Variants in PPIL6 observed in about 807,000 individuals in gnomAD.
PPIL6 encodes peptidylprolyl isomerase like 6.
In PPIL6, 39 loss-of-function variants were observed where a neutral mutation model predicts 36.8. That is an observed-to-expected ratio of 1.06 (90% confidence interval 0.82 to 1.38). PPIL6 has a LOEUF of 1.38. PPIL6 is among the 40% of genes most tolerant of loss of function. The probability of loss-of-function intolerance (pLI) is 0.00; values close to 1 mark genes in which losing one functional copy is unlikely to be tolerated. For synonymous variants in PPIL6, 123 were observed against 134.1 expected, an observed-to-expected ratio of 0.92 and a Z score of 0.57; for missense variants, 368 against 379.1, an observed-to-expected ratio of 0.97 and a Z score of 0.24.
At chr6:109,437,177 T>C (rs1055669793) in intron 1 of PPIL6, among the ~76,000 whole-genome samples, 18 of 152,322 alleles carry the variant, frequency 1.2e-4, no homozygotes, top group African/African-American at 4.3e-4. Context: ...ATACTTTGTC[T>C]CCCTCTAAAG....
chr6:109,401,485 A>C (rs1477623467), intron 6 of PPIL6, among the ~76,000 whole-genome samples: 1 of 152,148 alleles, frequency 6.6e-6, no homozygotes, highest in African/African-American at 2.4e-5. Flanking sequence ...TAAGTTTCAA[A>C]ACTAAGCAAA....
chr6:109,424,364 A>G lies in PPIL6; in HGVS notation c.631+2483T>C, dbSNP rs537626433. Reference sequence around the variant, plus strand: ...GGCTGTGTGTGCAACCGAGTGTGTAAGAGGTCAGAAGATAAGATGTGAGGA... The same window carrying G: ...GGCTGTGTGTGCAACCGAGTGTGTAGGAGGTCAGAAGATAAGATGTGAGGA... On this transcript the variant is annotated intron_variant, in intron 5 of 7. Coordinates refer to ENST00000521072, the MANE Select transcript of PPIL6 (RefSeq NM_173672.5). 2.5e-4 allele frequency among the ~76,000 whole-genome samples: 38 copies of G among 152,270 alleles called. 1 individual carries two copies. Among genetic ancestry groups the G allele is most frequent in the African/African-American group, 9.1e-4 (38 of 41,550 alleles).
chr6:109,409,886 G>A (rs1343622966), intron 6 of PPIL6, among the ~76,000 whole-genome samples: 1 of 152,186 alleles, frequency 6.6e-6, no homozygotes, highest in African/African-American at 2.4e-5. Context: ...AAAATGGAAA[G>A]CTATTTCATG....
At chr6:109,400,216 C>A in intron 6 of PPIL6, 46 bp from the exon 7 acceptor site, 1 of 1,524,440 alleles carries the variant, frequency 6.6e-7, no homozygotes, top group Non-Finnish European at 9.0e-7. Context: ...TTTCTATTAT[C>A]TCAATTTATT....
At chr6:109,438,441 A>C (rs549371761) in intron 1 of PPIL6, among the ~76,000 whole-genome samples, 1 of 152,222 alleles carries the variant, frequency 6.6e-6, no homozygotes, top group African/African-American at 2.4e-5. Flanking sequence ...AAACTAGCTG[A>C]ATTTTCATAT....
intron 7 of PPIL6, among the ~76,000 whole-genome samples, chr6:109,395,689 C>T (rs1200351431): frequency 6.6e-6 from 1 of 150,988 alleles, no homozygotes; most frequent in Non-Finnish European, 1.5e-5. Flanking sequence ...ACTGCAACCT[C>T]TGCCTCCCAG....
intron 7 of PPIL6, among the ~76,000 whole-genome samples, chr6:109,395,939 C>T (rs1354741450): frequency 6.6e-6 from 1 of 151,210 alleles, no homozygotes; most frequent in Non-Finnish European, 1.5e-5. Flanking sequence ...GGGTTGACAC[C>T]ATTCTGCCTC....
chr6:109,411,035 G>C (rs1469088869), intron 6 of PPIL6, among the ~76,000 whole-genome samples: 1 of 152,150 alleles, frequency 6.6e-6, no homozygotes, highest in Non-Finnish European at 1.5e-5. Context: ...GTTACAACCT[G>C]AACTGCTCCC....
At chr6:109,407,099 A>C (rs1050987931) in intron 6 of PPIL6, among the ~76,000 whole-genome samples, 1 of 152,240 alleles carries the variant, frequency 6.6e-6, no homozygotes, top group African/African-American at 2.4e-5. Context: ...TGACATTTCA[A>C]AACAACAATC....
chr6:109,434,971 T>C (rs781559925), intron 2 of PPIL6, among the ~76,000 whole-genome samples: 20 of 152,032 alleles, frequency 1.3e-4, no homozygotes, highest in Non-Finnish European at 2.9e-4. Flanking sequence ...TCTCTGAGGG[T>C]ATAGATAGAG....
At chr6:109,403,207 C>T in intron 6 of PPIL6, 2 of 743,582 alleles carry the variant, frequency 2.7e-6, no homozygotes, top group South Asian at 5.0e-5. Flanking sequence ...CTCCTGGGCT[C>T]AAGGCCTCCT....
chr6:109,421,289 T>C (rs1376178170), intron 5 of PPIL6, among the ~76,000 whole-genome samples: 2 of 152,264 alleles, frequency 1.3e-5, no homozygotes, highest in Non-Finnish European at 2.9e-5. Flanking sequence ...TATCTGATAT[T>C]ATTGCTATAC....
chr6:109,424,152 A>T (rs2115258308), intron 5 of PPIL6, among the ~76,000 whole-genome samples: 1 of 152,186 alleles, frequency 6.6e-6, no homozygotes, highest in South Asian at 2.1e-4. Context: ...GCAGTTTCAT[A>T]TAGGGTGGTC....
intron 1 of PPIL6, 129 bp downstream of exon 1, chr6:109,440,327 G>T: frequency 2.5e-6 from 3 of 1,193,796 alleles, no homozygotes; most frequent in Non-Finnish European, 3.6e-6. Context: ...GCCAGGACAC[G>T]CCAGCCCCTT....
In PPIL6 at chr6:109,427,080, A is replaced by T. The variant is rs1465233105; in HGVS notation, c.483+14T>A. 5.0e-6 allele frequency: 8 copies of T among 1,605,674 alleles called. No homozygotes were observed. The highest frequency in any genetic ancestry group is 1.3e-5 in the African/African-American group (1 of 74,790). Reference sequence around the variant, plus strand: ...TCCTACCCCCACAAACTTACATATAAAAAAAAGTATCACCTCAAAAATCAA... The same window carrying T: ...TCCTACCCCCACAAACTTACATATATAAAAAAGTATCACCTCAAAAATCAA... On this transcript the variant is annotated intron_variant, in intron 4 of 7. Transcript: ENST00000521072.
In PPIL6 at chr6:109,400,110, C is replaced by T. The variant is rs753976388; in HGVS notation, c.749G>A (p.Arg250His). The change falls in exon 7 of 8, where the codon CGT (arginine) becomes CAT (histidine). Residue 250 changes from arginine (R) to histidine (H), a missense_variant. Physicochemically the swap from Arg to His is conservative, Grantham distance 29. Transcript: ENST00000521072. ...ATAGAATTGTGACCCGTTGCTGTGACGGCCTTTGTTGGCCATTCCAAGTAC... is the reference window on the plus strand; with the variant it reads ...ATAGAATTGTGACCCGTTGCTGTGATGGCCTTTGTTGGCCATTCCAAGTAC... ...RGVLGMANKG[R>H]HSNGSQFYIT... 3.5e-5 allele frequency: 57 copies of T among 1,613,496 alleles called. No individual in the cohort carries two copies. The highest frequency in any genetic ancestry group is 2.0e-4 in the East Asian group (9 of 44,872).
At chr6:109,405,245 A>G (rs144377620) in intron 6 of PPIL6, among the ~76,000 whole-genome samples, 68 of 152,294 alleles carry the variant, frequency 4.5e-4, no homozygotes, top group Middle Eastern at 3.4e-3. Context: ...CTCACCCAAA[A>G]GGAATCATTC....
chr6:109,431,221 T>A lies in PPIL6; in HGVS notation c.356A>T (p.Lys119Ile). The change falls in exon 3 of 8, where the codon AAA becomes ATA. Residue 119 changes from lysine to isoleucine, a missense_variant. By Grantham distance (102) the Lys-to-Ile change is moderately radical. Transcript: ENST00000521072. ...AHEVWDIVDI[K>I]PSALYDALTE... The stretch of plus-strand genomic sequence containing the variant: ...GAGTGCGTCATAAAGTGCAGAGGGT[T>A]TAATGTCAACTATATCCCACACCTC... The A allele has an allele frequency of 1.9e-6, 3 of 1,613,984 alleles. No homozygotes were observed. In the South Asian group the frequency reaches 3.3e-5, roughly 18 times the overall value.
At chr6:109,417,620 A>G (rs1773331557) in intron 6 of PPIL6, among the ~76,000 whole-genome samples, 1 of 152,206 alleles carries the variant, frequency 6.6e-6, no homozygotes, top group African/African-American at 2.4e-5. Flanking sequence ...ATCAAAATGT[A>G]GTCATGTTTA....
Sources: allele counts gnomAD v4.1 joint callset (sites outside exome capture counted in the v4.1 genomes callset), GRCh38; gene constraint gnomAD v4.1.1; transcripts MANE v1.5; gene names NCBI Gene and HGNC (gene_info 2026-07-23, HGNC 2026-07-21).